The following IHO1 variants were observed in gnomAD, a reference collection of about 807,000 sequenced individuals.
IHO1 encodes interactor of HORMAD1 1, also known as interactor of HORMAD1 protein 1.
Under a neutral mutation model 31.0 loss-of-function variants are expected in IHO1, and 13 were observed. The observed-to-expected ratio is 0.42, with a 90% CI of 0.27 to 0.67. IHO1 has a LOEUF of 0.67. Among genes scored for constraint, IHO1 ranks in the 30% least tolerant of loss-of-function variants. The probability of loss-of-function intolerance (pLI) is 0.24; values close to 1 mark genes in which losing one functional copy is unlikely to be tolerated. For missense variants in IHO1, 599 were observed against 687.5 expected, an observed-to-expected ratio of 0.87 and a Z score of 1.44; for synonymous variants, 221 against 248.4, an observed-to-expected ratio of 0.89 and a Z score of 1.04.
upstream of IHO1, among the ~76,000 whole-genome samples, chr3:49,193,814 T>C (rs915890530): frequency 6.7e-6 from 1 of 150,058 alleles, no homozygotes; most frequent in Admixed American, 6.7e-5. Context: ...ATACAAAAAT[T>C]AGCCAGGCAT....
chr3:49,204,794 G>A (rs543817302), intron 1 of IHO1, among the ~76,000 whole-genome samples: 1 of 152,294 alleles, frequency 6.6e-6, no homozygotes, highest in African/African-American at 2.4e-5. Context: ...GGAGGCTGAT[G>A]TGGGCAGATC....
At chr3:49,199,277 T>C (rs1575559718), upstream of IHO1, among the ~76,000 whole-genome samples, 1 of 152,228 alleles carries the variant, frequency 6.6e-6, no homozygotes, top group East Asian at 1.9e-4. Context: ...AGACCATTAG[T>C]ACGGTTAAAA....
intron 2 of IHO1, chr3:49,228,209 G>C (rs1369953296): frequency 2.7e-6 from 1 of 368,180 alleles, no homozygotes; most frequent in Non-Finnish European, 5.4e-6. Flanking sequence ...CAGCCGCAGG[G>C]TCAACCAACT....
chr3:49,219,852 T>C (rs1174372934), intron 2 of IHO1, among the ~76,000 whole-genome samples: 2 of 152,112 alleles, frequency 1.3e-5, no homozygotes, highest in Non-Finnish European at 1.5e-5. Context: ...TTCATACTAA[T>C]GATGAGGAGG....
intron 3 of IHO1, among the ~76,000 whole-genome samples, chr3:49,239,227 C>T (rs1198404670): frequency 6.6e-6 from 1 of 152,022 alleles, no homozygotes; most frequent in Admixed American, 6.6e-5. Context: ...CTGCATTGGC[C>T]TCCCAAAGTG....
At chr3:49,196,630 GCGCCACCACACC>G (rs2045998184), upstream of IHO1, among the ~76,000 whole-genome samples, 1 of 151,176 alleles carries the variant, frequency 6.6e-6, no homozygotes, top group African/African-American at 2.4e-5. Context: ...TTACAGGCGT[GCGCCACCACACC>G]TGGCTAATGC....
intron 2 of IHO1, 47 bp downstream of exon 2, chr3:49,211,883 C>T: frequency 8.6e-7 from 1 of 1,162,138 alleles, no homozygotes. Context: ...GATTTTCTGG[C>T]CGGGCATGAT....
At chr3:49,197,406 C>T (rs188861753), upstream of IHO1, among the ~76,000 whole-genome samples, 284 of 152,212 alleles carry the variant, frequency 1.9e-3, 7 homozygotes, top group Middle Eastern at 6.8e-3. Flanking sequence ...AGGGATCCTC[C>T]CACCTTGGCC....
intron 1 of IHO1, among the ~76,000 whole-genome samples, chr3:49,209,701 G>C (rs2046183785): frequency 6.6e-6 from 1 of 150,458 alleles, no homozygotes; most frequent in African/African-American, 2.4e-5. Flanking sequence ...ATATGTATTT[G>C]CAAAAAGCAA....
chr3:49,195,876 C>T (rs965452687), upstream of IHO1, among the ~76,000 whole-genome samples: 3 of 149,700 alleles, frequency 2.0e-5, no homozygotes, highest in Middle Eastern at 3.4e-3. Flanking sequence ...CCAAGGTGGG[C>T]GGATCACGAG....
rs1345689499 is a variant in IHO1, at chr3:49,241,766, G to A, written c.395+377G>A. Among the ~76,000 whole-genome samples the A allele has an allele frequency of 2.6e-5, 4 of 151,734 alleles. No individual in the cohort carries two copies. In the East Asian group the frequency reaches 5.8e-4, roughly 22 times the overall value. Reference sequence around the variant, plus strand: ...CTCCTGAGTAGCTGGGACTACAGGCGCCTGCCACCATGCCTGGCTAATTTT... The same window carrying A: ...CTCCTGAGTAGCTGGGACTACAGGCACCTGCCACCATGCCTGGCTAATTTT... On this transcript the variant is annotated intron_variant, in intron 4 of 7. Transcript: ENST00000452691.
intron 3 of IHO1, among the ~76,000 whole-genome samples, chr3:49,237,552 G>A (rs937278047): frequency 6.6e-6 from 1 of 151,728 alleles, no homozygotes; most frequent in African/African-American, 2.4e-5. Flanking sequence ...CTATTACAAA[G>A]CAACGTAAAA....
intron 1 of IHO1, among the ~76,000 whole-genome samples, chr3:49,208,628 G>T (rs2046171455): frequency 6.6e-6 from 1 of 152,176 alleles, no homozygotes. Flanking sequence ...AAGAGAGTTT[G>T]CTTTCCATCC....
At chr3:49,200,529 T>A in intron 1 of IHO1, 1 of 889,776 alleles carries the variant, frequency 1.1e-6, no homozygotes, top group Non-Finnish European at 1.3e-6. Context: ...AGAAAAAAGA[T>A]TGTCGCAGTA....
At chr3:49,246,357 T>G (rs146482014) in intron 6 of IHO1, among the ~76,000 whole-genome samples, 468 of 152,028 alleles carry the variant, frequency 3.1e-3, no homozygotes, top group African/African-American at 0.01. Context: ...CATTTAAAAC[T>G]GGGTGGGCCG....
chr3:49,216,839 AC>A (rs1307186865), intron 2 of IHO1, among the ~76,000 whole-genome samples: 5 of 152,378 alleles, frequency 3.3e-5, no homozygotes, highest in Middle Eastern at 6.8e-3. Flanking sequence ...ATATGAACAG[AC>A]ACTTCTCAAA....
intron 4 of IHO1, among the ~76,000 whole-genome samples, chr3:49,242,396 G>T (rs911333686): frequency 9.9e-5 from 15 of 151,794 alleles, no homozygotes; most frequent in Non-Finnish European, 1.6e-4. Flanking sequence ...TCAAAGTGCT[G>T]GGATTACAGG....
intron 1 of IHO1, among the ~76,000 whole-genome samples, chr3:49,206,910 T>C (rs1045990655): frequency 2.0e-5 from 3 of 151,812 alleles, no homozygotes; most frequent in African/African-American, 4.8e-5. Context: ...TAGCTAGGTG[T>C]GGTGGCAGAT....
intron 1 of IHO1, among the ~76,000 whole-genome samples, chr3:49,204,131 C>T (rs1014877948): frequency 6.6e-6 from 1 of 152,146 alleles, no homozygotes; most frequent in African/African-American, 2.4e-5. Flanking sequence ...GAATGCACTC[C>T]GGTTTACCCA....
Sources: allele counts gnomAD v4.1 joint callset (sites outside exome capture counted in the v4.1 genomes callset), GRCh38; gene constraint gnomAD v4.1.1; transcripts MANE v1.5; gene names NCBI Gene and HGNC (gene_info 2026-07-23, HGNC 2026-07-21).